Variants in RBFOX1 observed in about 807,000 individuals in gnomAD.
RBFOX1 encodes the protein RNA binding fox-1 homolog 1.
Under a neutral mutation model 57.7 loss-of-function variants are expected in RBFOX1, and 8 were observed. The ratio of observed to expected loss-of-function variants is 0.14; its 90% CI spans 0.08 to 0.25. The LOEUF (loss-of-function observed/expected upper bound fraction) is 0.25. Among genes scored for constraint, RBFOX1 ranks in the 10% least tolerant of loss-of-function variants. The pLI is 1.00. For missense variants in RBFOX1, 611 were observed against 548.5 expected (o/e 1.11, Z -1.14); for synonymous variants, 326 against 222.4 (o/e 1.47, Z -4.15).
At chr16:6,502,917 T>C (rs1480738759) in intron 2 of RBFOX1, among the ~76,000 whole-genome samples, 1 of 152,224 alleles carries the variant, frequency 6.6e-6, no homozygotes, top group Non-Finnish European at 1.5e-5. Flanking sequence ...CGTCATATTA[T>C]GTAGCCACTT....
chr16:5,372,827 T>G (rs2065893191), intron 1 of RBFOX1, among the ~76,000 whole-genome samples: 1 of 152,208 alleles, frequency 6.6e-6, no homozygotes. Flanking sequence ...CACAATACCA[T>G]CTCATGATCC....
intron 1 of RBFOX1, among the ~76,000 whole-genome samples, chr16:5,305,332 A>G (rs2063906952): frequency 6.6e-6 from 1 of 152,072 alleles, no homozygotes; most frequent in South Asian, 2.1e-4. Flanking sequence ...ATTTTGGTAG[A>G]GATTCTTCCC....
chr16:5,442,671 C>T (rs2068119688), intron 1 of RBFOX1, among the ~76,000 whole-genome samples: 2 of 152,138 alleles, frequency 1.3e-5, no homozygotes, highest in African/African-American at 4.8e-5. Context: ...ATTTCTAGAT[C>T]CCTTTACTGA....
intron 3 of RBFOX1, among the ~76,000 whole-genome samples, chr16:6,911,109 G>T (rs990873570): frequency 2.0e-5 from 3 of 151,520 alleles, no homozygotes; most frequent in African/African-American, 7.3e-5. Context: ...GCTGAGGCAG[G>T]ACAATCGCTG....
intron 4 of RBFOX1, among the ~76,000 whole-genome samples, chr16:7,101,540 C>G (rs896309401): frequency 6.6e-6 from 1 of 152,004 alleles, no homozygotes; most frequent in Non-Finnish European, 1.5e-5. Flanking sequence ...AAAGCATTCA[C>G]AGAGAGGGGG....
chr16:6,056,842 C>CTTTTTTTTTTTTTTTT (rs61605263), intron 1 of RBFOX1: 1 of 148,630 alleles, frequency 6.7e-6, no homozygotes, highest in Non-Finnish European at 1.5e-5. Context: ...AGACTTAAGA[C>CTTTTTTTTTTTTTTTT]TTTTTTTTTT....
intron 5 of RBFOX1, among the ~76,000 whole-genome samples, chr16:7,530,570 G>A (rs1053125354): frequency 3.9e-5 from 6 of 151,922 alleles, no homozygotes; most frequent in Admixed American, 6.6e-5. Flanking sequence ...TGTATCAATG[G>A]GTCTGTGTGA....
At chr16:6,510,955 G>C (rs2096244326) in intron 2 of RBFOX1, among the ~76,000 whole-genome samples, 1 of 152,136 alleles carries the variant, frequency 6.6e-6, no homozygotes, top group African/African-American at 2.4e-5. Context: ...TTGAAATGTG[G>C]TGTGTGCTGC....
intron 3 of RBFOX1, among the ~76,000 whole-genome samples, chr16:6,860,308 G>C (rs1007688855): frequency 3.9e-5 from 6 of 152,204 alleles, no homozygotes; most frequent in African/African-American, 1.4e-4. Context: ...AATGTTCTCA[G>C]TTCTGATGGA....
chr16:6,749,844 C>T (rs1226877666), intron 3 of RBFOX1, among the ~76,000 whole-genome samples: 1 of 152,146 alleles, frequency 6.6e-6, no homozygotes, highest in Non-Finnish European at 1.5e-5. Flanking sequence ...TTCTGTTTCC[C>T]TTGAAATAAT....
intron 1 of RBFOX1, among the ~76,000 whole-genome samples, chr16:5,377,877 A>G (rs1159669566): frequency 1.3e-5 from 2 of 151,670 alleles, no homozygotes; most frequent in Admixed American, 1.3e-4. Flanking sequence ...CAGGGTCAAC[A>G]TGTGCTTTCT....
chr16:5,943,461 T>C (rs1435968492), intron 4 of RBFOX1, among the ~76,000 whole-genome samples: 1 of 151,984 alleles, frequency 6.6e-6, no homozygotes, highest in Admixed American at 6.6e-5. Context: ...GAAAGAAAAA[T>C]ATGAGGAATT....
chr16:6,669,546 C>T (rs906360941), intron 3 of RBFOX1, among the ~76,000 whole-genome samples: 7 of 151,974 alleles, frequency 4.6e-5, no homozygotes, highest in South Asian at 4.2e-4. Flanking sequence ...TACAGCTTGA[C>T]GTTTTGATTT....
intron 2 of RBFOX1, among the ~76,000 whole-genome samples, chr16:6,450,777 A>ATACACATATATATATG (rs1555480496): frequency 5.1e-5 from 2 of 39,530 alleles, no homozygotes; most frequent in Admixed American, 3.3e-4. Context: ...GTATATATAT[A>ATACACATATATATATG]TATATATATA....
At chr16:6,853,755 C>A (rs577459051) in intron 3 of RBFOX1, among the ~76,000 whole-genome samples, 2 of 152,074 alleles carry the variant, frequency 1.3e-5, no homozygotes, top group African/African-American at 4.8e-5. Context: ...CCTCACTGTG[C>A]GTGGAGAGGA....
At chr16:5,559,641 C>A (rs1405463272) in intron 2 of RBFOX1, among the ~76,000 whole-genome samples, 3 of 152,186 alleles carry the variant, frequency 2.0e-5, no homozygotes, top group African/African-American at 7.2e-5. Flanking sequence ...CCACTCTTTT[C>A]TTGGAAGTTG....
rs376250762 is a variant in RBFOX1, at chr16:6,913,622, C to G, written c.-15-138435C>G. Reference sequence around the variant, plus strand: ...AGCTTTTCCCAGAGCAACTCAAGCCCTGAGGCCACCAGATTGTTTGGGCAG... The same window carrying G: ...AGCTTTTCCCAGAGCAACTCAAGCCGTGAGGCCACCAGATTGTTTGGGCAG... On this transcript the variant is annotated intron_variant, in intron 3 of 15. Transcript: ENST00000550418. Among the ~76,000 whole-genome samples, 421 of 152,282 alleles carry G rather than the reference C, an allele frequency of 2.8e-3. 5 individuals carry two copies. The highest frequency in any genetic ancestry group is 9.9e-3 in the African/African-American group (410 of 41,568).
chr16:7,252,987 CAGCATCTTG>C (rs1555630306), intron 4 of RBFOX1, among the ~76,000 whole-genome samples: 1 of 152,154 alleles, frequency 6.6e-6, no homozygotes, highest in Non-Finnish European at 1.5e-5. Flanking sequence ...AAAGGAAGTT[CAGCATCTTG>C]AGCCTCTGAT....
intron 3 of RBFOX1, among the ~76,000 whole-genome samples, chr16:5,819,558 G>T (rs2055770093): frequency 6.6e-6 from 1 of 152,168 alleles, no homozygotes; most frequent in Non-Finnish European, 1.5e-5. Flanking sequence ...TTGGAACACA[G>T]GTTCTTTCTG....
Sources: allele counts gnomAD v4.1 joint callset (sites outside exome capture counted in the v4.1 genomes callset), GRCh38; gene constraint gnomAD v4.1.1; transcripts MANE v1.5; gene names NCBI Gene and HGNC (gene_info 2026-07-23, HGNC 2026-07-21).